SNCAIP: variants seen among roughly 807,000 people sequenced by gnomAD.
SNCAIP encodes the protein synphilin-1.
Under a neutral mutation model 86.7 loss-of-function variants are expected in SNCAIP, and 43 were observed. The observed-to-expected ratio is 0.50, with a 90% confidence interval of 0.39 to 0.64. The LOEUF is 0.64. Among genes scored for constraint, SNCAIP ranks in the 30% least tolerant of loss-of-function variants. The pLI, the probability that SNCAIP is intolerant of heterozygous loss-of-function variation, is 0.00. For missense variants in SNCAIP, 981 were observed against 1,103.1 expected (o/e 0.89, Z 1.57); for synonymous variants, 417 against 427.2 (o/e 0.98, Z 0.29).
At chr5:122,394,594 G>A (rs190495238) in intron 2 of SNCAIP, among the ~76,000 whole-genome samples, 3 of 152,302 alleles carry the variant, frequency 2.0e-5, no homozygotes, top group Admixed American at 6.5e-5. Context: ...CACTGTGAAT[G>A]GGTTCACAGA....
intron 4 of SNCAIP, among the ~76,000 whole-genome samples, chr5:122,424,077 G>T (rs535563739): frequency 6.6e-6 from 1 of 152,138 alleles, no homozygotes; most frequent in South Asian, 2.1e-4. Flanking sequence ...GTGCTCTCAC[G>T]CAGCTATTTG....
chr5:122,386,456 C>T (rs778872243), intron 1 of SNCAIP, among the ~76,000 whole-genome samples: 5 of 152,190 alleles, frequency 3.3e-5, no homozygotes, highest in African/African-American at 1.2e-4. Context: ...CTTTAATAGG[C>T]ACTGGAGGGA....
At chr5:122,386,247 A>C (rs1768103160) in intron 1 of SNCAIP, among the ~76,000 whole-genome samples, 1 of 152,212 alleles carries the variant, frequency 6.6e-6, no homozygotes, top group Admixed American at 6.5e-5. Context: ...TGAATATCAT[A>C]ATACGGGGGT....
chr5:122,435,034 A>C (rs754160816), intron 6 of SNCAIP, among the ~76,000 whole-genome samples: 3 of 143,972 alleles, frequency 2.1e-5, no homozygotes, highest in Non-Finnish European at 4.7e-5. Context: ...TTTTCTTGTA[A>C]AAATTACCTT....
chr5:122,357,990 T>C (rs1404249114), intron 1 of SNCAIP, among the ~76,000 whole-genome samples: 1 of 152,120 alleles, frequency 6.6e-6, no homozygotes, highest in Non-Finnish European at 1.5e-5. Context: ...ATGTCTGATC[T>C]GTGGTGCTCA....
intron 2 of SNCAIP, among the ~76,000 whole-genome samples, chr5:122,397,762 G>C (rs889022774): frequency 1.1e-4 from 17 of 152,130 alleles, no homozygotes; most frequent in African/African-American, 4.1e-4. Flanking sequence ...TGTGGAAAGA[G>C]AAGAATATTC....
intron 5 of SNCAIP, among the ~76,000 whole-genome samples, chr5:122,429,814 C>G (rs1289677096): frequency 3.3e-5 from 5 of 152,028 alleles, no homozygotes; most frequent in Non-Finnish European, 7.4e-5. Context: ...GGTTACCTCC[C>G]CAAAGCTGGG....
At chr5:122,311,359 C>G (rs540526581), upstream of SNCAIP, 1 of 152,454 alleles carries the variant, frequency 6.6e-6, no homozygotes, top group Admixed American at 6.5e-5. Flanking sequence ...CACTTGAGCA[C>G]AGAACATTCC....
chr5:122,376,733 C>G (rs1765400896), intron 1 of SNCAIP, among the ~76,000 whole-genome samples: 1 of 152,124 alleles, frequency 6.6e-6, no homozygotes, highest in African/African-American at 2.4e-5. Context: ...CAATTTCACT[C>G]AAGTTCCTGG....
chr5:122,437,784 G>A (rs1469537465), intron 6 of SNCAIP, among the ~76,000 whole-genome samples: 1 of 152,158 alleles, frequency 6.6e-6, no homozygotes, highest in Non-Finnish European at 1.5e-5. Context: ...CCCCTCAGGG[G>A]CCCAGGTAAC....
chr5:122,439,995 A>G (rs1780457891), intron 6 of SNCAIP, among the ~76,000 whole-genome samples: 1 of 152,208 alleles, frequency 6.6e-6, no homozygotes, highest in Admixed American at 6.5e-5. Context: ...AACATGAAAG[A>G]AGGGAAATCT....
intron 1 of SNCAIP, among the ~76,000 whole-genome samples, chr5:122,348,209 A>G (rs1759016782): frequency 6.6e-6 from 1 of 152,114 alleles, no homozygotes; most frequent in South Asian, 2.1e-4. Context: ...TTTTTTATAT[A>G]TTAGTTAAAG....
At chr5:122,395,490 T>C (rs754350706) in intron 2 of SNCAIP, among the ~76,000 whole-genome samples, 2 of 152,184 alleles carry the variant, frequency 1.3e-5, no homozygotes, top group Non-Finnish European at 2.9e-5. Context: ...TCCTCTTTGG[T>C]CAAAGCCTTT....
At chr5:122,313,669 T>G (rs1751121644) in intron 1 of SNCAIP, among the ~76,000 whole-genome samples, 2 of 152,256 alleles carry the variant, frequency 1.3e-5, no homozygotes, top group Non-Finnish European at 2.9e-5. Flanking sequence ...TGACTGTTTC[T>G]GATGCATCTC....
At chr5:122,364,145 G>A (rs1762715835) in intron 1 of SNCAIP, among the ~76,000 whole-genome samples, 1 of 152,112 alleles carries the variant, frequency 6.6e-6, no homozygotes, top group African/African-American at 2.4e-5. Context: ...TTGAATAGGG[G>A]CTGAGTTAAA....
At chr5:122,380,362 G>T (rs936302559) in intron 1 of SNCAIP, among the ~76,000 whole-genome samples, 29 of 152,162 alleles carry the variant, frequency 1.9e-4, no homozygotes, top group South Asian at 6.2e-4. Flanking sequence ...TGGTAGTTTG[G>T]ATTTCTGTGG....
At chr5:122,336,574 G>T (rs982007397) in intron 1 of SNCAIP, among the ~76,000 whole-genome samples, 1 of 152,176 alleles carries the variant, frequency 6.6e-6, no homozygotes, top group African/African-American at 2.4e-5. Context: ...CACAGCCTTG[G>T]CTGGTAAAAA....
intron 1 of SNCAIP, among the ~76,000 whole-genome samples, chr5:122,356,095 CT>C (rs757246404): frequency 0.017 from 1,774 of 102,754 alleles, 7 homozygotes; most frequent in African/African-American, 0.022. Context: ...GTTAGCCTTT[CT>C]TTTTTTTTTT....
At chr5:122,375,861 C>A (rs1376562349) in intron 1 of SNCAIP, among the ~76,000 whole-genome samples, 2 of 152,036 alleles carry the variant, frequency 1.3e-5, no homozygotes, top group African/African-American at 4.8e-5. Context: ...GGCATGAATC[C>A]TGTATAATGA....
Sources: gnomAD v4.1 joint callset for allele counts (sites outside exome capture counted in the v4.1 genomes callset) on GRCh38, gnomAD v4.1.1 for gene constraint, MANE v1.5 for transcripts, NCBI Gene and HGNC (gene_info 2026-07-23, HGNC 2026-07-21) for gene names.